The following SLC25A21 variants were observed in gnomAD, a reference collection of about 807,000 sequenced individuals.
SLC25A21 encodes mitochondrial 2-oxodicarboxylate carrier.
SLC25A21 carries 47 observed loss-of-function variants against 43.8 expected under a neutral mutation model. That is an observed-to-expected ratio of 1.07 (90% CI 0.85 to 1.37). The LOEUF (loss-of-function observed/expected upper bound fraction) is 1.37. SLC25A21 is among the 40% of genes most tolerant of loss of function. The pLI is 0.00. For synonymous variants in SLC25A21, 131 were observed against 121.3 expected (o/e 1.08, Z -0.52); for missense variants, 352 against 350.2 (o/e 1.00, Z -0.04).
chr14:36,982,501 G>A (rs561500513), intron 1 of SLC25A21, among the ~76,000 whole-genome samples: 1 of 152,152 alleles, frequency 6.6e-6, no homozygotes, highest in South Asian at 2.1e-4. Context: ...AACCATGAAA[G>A]GTTTTAGTAT....
chr14:36,821,061 G>A (rs1296765955), intron 2 of SLC25A21, among the ~76,000 whole-genome samples: 1 of 152,182 alleles, frequency 6.6e-6, no homozygotes, highest in East Asian at 1.9e-4. Flanking sequence ...GCTTTCTTAT[G>A]AGTTGGTTGA....
chr14:36,812,942 T>C (rs778300715), intron 3 of SLC25A21, among the ~76,000 whole-genome samples: 1 of 152,176 alleles, frequency 6.6e-6, no homozygotes, highest in Non-Finnish European at 1.5e-5. Context: ...TACTACATAA[T>C]AGAAGCTAAA....
chr14:36,776,785 C>T (rs1232128162), intron 3 of SLC25A21, among the ~76,000 whole-genome samples: 1 of 152,082 alleles, frequency 6.6e-6, no homozygotes, highest in East Asian at 1.9e-4. Context: ...GAGTAAATAG[C>T]GATTATCAGA....
chr14:36,989,198 T>A (rs894233528), intron 1 of SLC25A21, among the ~76,000 whole-genome samples: 1 of 152,202 alleles, frequency 6.6e-6, no homozygotes, highest in Non-Finnish European at 1.5e-5. Context: ...TGCAATGCAG[T>A]CTTTGTTTCC....
chr14:36,689,970 G>A (rs1882726037), intron 7 of SLC25A21, among the ~76,000 whole-genome samples: 1 of 152,190 alleles, frequency 6.6e-6, no homozygotes, highest in Non-Finnish European at 1.5e-5. Context: ...TTTCCTTGGT[G>A]GAAACAGGGG....
At position 36,679,248 on chromosome 14, in the gene SLC25A21, T is replaced by TAA. The variant is rs1282184703; in HGVS notation, c.*1408_*1409dup. 4.1e-6 allele frequency: 4 copies of TAA among 983,936 alleles called. No homozygotes were observed. The highest frequency in any genetic ancestry group is 4.8e-6 in the Non-Finnish European group (4 of 828,718). 61.0% of individuals were successfully genotyped at this position (983,936 alleles called of 1,614,324 possible). ...GAATATTGGACTGAAATATAAATTTTAAAAAACACGTTGGAAAGGATGTAC... is the reference window on the plus strand; with the variant it reads ...GAATATTGGACTGAAATATAAATTTTAAAAAAAACACGTTGGAAAGGATGTAC... On this transcript the variant is annotated 3_prime_UTR_variant, in exon 10 of 10. Transcript: ENST00000331299.
chr14:37,035,694 C>A (rs2138775245), intron 1 of SLC25A21, among the ~76,000 whole-genome samples: 1 of 152,326 alleles, frequency 6.6e-6, no homozygotes, highest in East Asian at 1.9e-4. Context: ...ACATGCCTGA[C>A]AACCACCATC....
intron 2 of SLC25A21, among the ~76,000 whole-genome samples, chr14:36,826,590 G>A (rs886384427): frequency 2.6e-5 from 4 of 152,188 alleles, no homozygotes; most frequent in African/African-American, 7.2e-5. Context: ...ATGGCTCTTC[G>A]TGAGGGCCTG....
At chr14:36,776,226 C>CTTTTTTTTTTTTTTTTTTT (rs1227806836) in intron 3 of SLC25A21, among the ~76,000 whole-genome samples, 1 of 48,086 alleles carries the variant, frequency 2.1e-5, no homozygotes, top group African/African-American at 6.1e-5. Context: ...TTTTCTTTTT[C>CTTTTTTTTTTTTTTTTTTT]TTTCTTTCTT....
intron 1 of SLC25A21, among the ~76,000 whole-genome samples, chr14:37,038,320 G>C (rs957397096): frequency 1.3e-5 from 2 of 152,120 alleles, no homozygotes; most frequent in African/African-American, 4.8e-5. Flanking sequence ...AAGAATAATA[G>C]GGTTGGCAAA....
chr14:37,039,500 A>G (rs542235042), intron 1 of SLC25A21, among the ~76,000 whole-genome samples: 12 of 152,268 alleles, frequency 7.9e-5, no homozygotes, highest in Non-Finnish European at 1.8e-4. Context: ...TAAACTTTAC[A>G]TAAGTGGAAT....
chr14:36,933,489 C>T (rs1481863597), intron 1 of SLC25A21, among the ~76,000 whole-genome samples: 3 of 151,978 alleles, frequency 2.0e-5, no homozygotes, highest in Non-Finnish European at 4.4e-5. Flanking sequence ...GAAATTTATT[C>T]GTTTGTTATC....
At chr14:37,112,809 C>T (rs1963042471) in intron 1 of SLC25A21, among the ~76,000 whole-genome samples, 1 of 152,132 alleles carries the variant, frequency 6.6e-6, no homozygotes, top group Admixed American at 6.5e-5. Context: ...ACAGAAGTAA[C>T]ATGAATTCCT....
chr14:37,023,104 ACAGTTTGGCTC>A (rs1961022052), intron 1 of SLC25A21, among the ~76,000 whole-genome samples: 1 of 152,028 alleles, frequency 6.6e-6, no homozygotes, highest in South Asian at 2.1e-4. Context: ...CATCTCCAGG[ACAGTTTGGCTC>A]CAGTTTGGCT....
chr14:36,689,051 T>C, intron 7 of SLC25A21, among the ~76,000 whole-genome samples: 1 of 152,190 alleles, frequency 6.6e-6, no homozygotes, highest in East Asian at 1.9e-4. Context: ...GATAAAGACA[T>C]ACCTGAGATT....
At chr14:37,017,762 C>T (rs1196827172) in intron 1 of SLC25A21, among the ~76,000 whole-genome samples, 2 of 151,544 alleles carry the variant, frequency 1.3e-5, no homozygotes, top group African/African-American at 4.8e-5. Flanking sequence ...ACAAAAAAAC[C>T]CAGAATGGCC....
At chr14:37,128,534 C>CTGTGTGTGTG (rs1307864585) in intron 1 of SLC25A21, among the ~76,000 whole-genome samples, 3 of 97,946 alleles carry the variant, frequency 3.1e-5, no homozygotes, top group East Asian at 3.9e-4. Context: ...CTCTCTCTCT[C>CTGTGTGTGTG]TCTCTGTGTG....
intron 1 of SLC25A21, among the ~76,000 whole-genome samples, chr14:37,076,148 ACTT>A (rs1351845737): frequency 6.6e-6 from 1 of 152,074 alleles, no homozygotes; most frequent in African/African-American, 2.4e-5. Flanking sequence ...ACATTGTAAG[ACTT>A]CTTTTTTTCT....
At chr14:36,820,749 G>A (rs1454189762) in intron 2 of SLC25A21, among the ~76,000 whole-genome samples, 1 of 152,180 alleles carries the variant, frequency 6.6e-6, no homozygotes, top group East Asian at 1.9e-4. Context: ...CTAGAGGTGG[G>A]AGACTGCTAG....
Sources: allele counts gnomAD v4.1 joint callset (sites outside exome capture counted in the v4.1 genomes callset), GRCh38; gene constraint gnomAD v4.1.1; transcripts MANE v1.5; gene names NCBI Gene and HGNC (gene_info 2026-07-23, HGNC 2026-07-21).